The following ARPIN variants were observed in gnomAD, a reference collection of about 807,000 sequenced individuals.
ARPIN encodes the protein actin related protein 2/3 complex inhibitor, also known as UPF0552 protein C15orf38.
Under a neutral mutation model 25.9 loss-of-function variants are expected in ARPIN, and 23 were observed. That is an observed-to-expected ratio of 0.89 (90% confidence interval 0.64 to 1.26). The LOEUF is 1.26. Among genes scored for constraint, ARPIN ranks in the 50% most tolerant of loss-of-function variants. The pLI, the probability that ARPIN is intolerant of heterozygous loss-of-function variation, is 0.00. For synonymous variants in ARPIN, 126 were observed against 131.4 expected, an observed-to-expected ratio of 0.96 and a Z score of 0.28; for missense variants, 333 against 312.2, an observed-to-expected ratio of 1.07 and a Z score of -0.50.
At chr15:89,912,478 G>C in intron 1 of ARPIN, 11 of 1,254,720 alleles carry the variant, frequency 8.8e-6, no homozygotes, top group African/African-American at 3.1e-5. Flanking sequence ...CCCAGCCTTC[G>C]GAGACCTGTC....
chr15:89,912,663 T>TCCCCCCCCCCCCCCC, intron 1 of ARPIN, 81 bp downstream of exon 1: 1 of 871,112 alleles, frequency 1.1e-6, no homozygotes. Flanking sequence ...CCCACCCGCA[T>TCCCCCCCCCCCCCCC]CCCACCCCCC....
chr15:89,901,431 C>A lies in ARPIN; in HGVS notation c.*364G>T, dbSNP rs1897018725. The A allele has an allele frequency of 3.6e-6, 1 of 277,828 alleles. No individual in the cohort carries two copies. Among genetic ancestry groups the A allele is most frequent in the Non-Finnish European group, 6.9e-6 (1 of 145,358 alleles). 17.2% of individuals were successfully genotyped at this position (277,828 alleles called of 1,614,324 possible). On this transcript the variant is annotated 3_prime_UTR_variant, in exon 6 of 6. Transcript: ENST00000357484. ...CAGTGGCTCACGCCTGTAATCCCAA[C>A]ACCTTGGGAGGTGGAGGGGGGTGGA...
intron 1 of ARPIN, chr15:89,912,161 A>G (rs550904411): frequency 6.4e-5 from 62 of 972,818 alleles, no homozygotes; most frequent in Non-Finnish European, 7.5e-5. Context: ...TATAGGTTCC[A>G]TATACGAGAT....
chr15:89,906,062 C>T (rs931641498), intron 3 of ARPIN, among the ~76,000 whole-genome samples: 17 of 152,144 alleles, frequency 1.1e-4, no homozygotes, highest in Admixed American at 1.0e-3. Flanking sequence ...GTAGCCAAGC[C>T]AACACTGAGG....
chr15:89,908,072 C>A (rs553864792), intron 3 of ARPIN, among the ~76,000 whole-genome samples: 3 of 152,224 alleles, frequency 2.0e-5, no homozygotes, highest in South Asian at 4.1e-4. Context: ...GCCAGCCTGG[C>A]CCCTGGAATG....
chr15:89,910,884 C>T (rs1897211699), intron 1 of ARPIN, 65 bp from the exon 2 acceptor site: 1 of 1,561,300 alleles, frequency 6.4e-7, no homozygotes, highest in Admixed American at 1.8e-5. Context: ...TCACCCGTGT[C>T]TCCTATTTAC....
At position 89,901,706 on chromosome 15, in the gene ARPIN, T is replaced by C; in HGVS notation, c.*89A>G. ...GAACCAGGTAAGACTTGGCAGACTGTTCTCTCCAGCTCCAGAGTAGAAGTT... is the reference window on the plus strand; with the variant it reads ...GAACCAGGTAAGACTTGGCAGACTGCTCTCTCCAGCTCCAGAGTAGAAGTT... On this transcript the variant is annotated 3_prime_UTR_variant, in exon 6 of 6. Coordinates refer to ENST00000357484, the MANE Select transcript of ARPIN (RefSeq NM_182616.4). The C allele has an allele frequency of 1.3e-6, 2 of 1,500,194 alleles. No homozygotes were observed. The highest frequency in any genetic ancestry group is 1.1e-5 in the South Asian group (1 of 87,446). 92.9% of individuals were successfully genotyped at this position (1,500,194 alleles called of 1,614,324 possible). A position where few individuals can be genotyped will look rare whatever the true frequency, so the allele number is the denominator to read the frequency against.
intron 3 of ARPIN, among the ~76,000 whole-genome samples, chr15:89,905,460 C>G (rs1414068345): frequency 6.6e-6 from 1 of 152,120 alleles, no homozygotes; most frequent in Non-Finnish European, 1.5e-5. Flanking sequence ...GGACCTGTCT[C>G]TCTCTCCCCA....
rs1897160166 is a variant in ARPIN at position 89,908,265 on chromosome 15, GCAGAGGATACCTACTGTAGGACGA to G, written c.292_301+14del. 6.2e-7 allele frequency: 1 copy of G among 1,613,706 alleles called. No homozygotes were observed. Among genetic ancestry groups the G allele is most frequent in the African/African-American group, 1.3e-5 (1 of 74,888 alleles). ...GAGGGCCCTGAGGGAGAGAGGGAGGGCAGAGGATACCTACTGTAGGACGACATGAGGAAGCCCGTGTTCACCTTC... is the reference window on the plus strand; with the variant it reads ...GAGGGCCCTGAGGGAGAGAGGGAGGGCATGAGGAAGCCCGTGTTCACCTTC... On this transcript the variant is annotated splice_donor_variant and splice_donor_5th_base_variant and coding_sequence_variant and intron_variant, in exon 3 of 6. Transcript: ENST00000357484. LOFTEE classifies it high-confidence loss of function.
intron 5 of ARPIN, among the ~76,000 whole-genome samples, chr15:89,902,132 G>A (rs776957115): frequency 2.8e-4 from 42 of 152,238 alleles, no homozygotes; most frequent in Non-Finnish European, 5.6e-4. Flanking sequence ...TTTGAGGCCA[G>A]GTGTGGTGGC....
intron 2 of ARPIN, among the ~76,000 whole-genome samples, chr15:89,909,954 C>T (rs757152114): frequency 2.0e-5 from 3 of 152,184 alleles, no homozygotes; most frequent in Non-Finnish European, 4.4e-5. Context: ...TGCCTGACGG[C>T]AGATGAGGCA....
At position 89,908,394 on chromosome 15, in the gene ARPIN, A is replaced by G; in HGVS notation, c.187T>C (p.Tyr63His). Reference sequence around the variant, plus strand: ...CGATGGATGTGACTGGGCCGGATATACAGCACGTAGTAGCGCTCCTGGGGC... The same window carrying G: ...CGATGGATGTGACTGGGCCGGATATGCAGCACGTAGTAGCGCTCCTGGGGC... ...HGRKERYYVLYIRPSHIHRRK... is the reference protein window; with the variant it reads ...HGRKERYYVLHIRPSHIHRRK... Residue 63 changes from tyrosine (Y) to histidine (H), a missense_variant, in exon 3 of 6, where the codon TAT becomes CAT. Transcript: ENST00000357484. 6.2e-7 allele frequency: 1 copy of G among 1,614,122 alleles called. No individual in the cohort carries two copies. The highest frequency in any genetic ancestry group is 8.5e-7 in the Non-Finnish European group (1 of 1,180,016).
chr15:89,912,667 A>AGTGGG, intron 1 of ARPIN, 77 bp downstream of exon 1: 7 of 443,598 alleles, frequency 1.6e-5, no homozygotes, highest in East Asian at 1.7e-4. Context: ...CCCGCATCCC[A>AGTGGG]CCCCCCCACC....
At chr15:89,902,812 A>G (rs757626381) in intron 5 of ARPIN, 4 of 1,110,270 alleles carry the variant, frequency 3.6e-6, no homozygotes, top group Non-Finnish European at 4.4e-6. Context: ...CAGGTCAGCC[A>G]TTCTCCAGAC....
intron 2 of ARPIN, among the ~76,000 whole-genome samples, chr15:89,909,764 G>T (rs1479094491): frequency 3.3e-5 from 5 of 152,210 alleles, no homozygotes; most frequent in Admixed American, 3.3e-4. Context: ...ATGGAAAGAG[G>T]AAGGGAAGGC....
At chr15:89,901,947 C>G in intron 5 of ARPIN, 144 bp from the exon 6 acceptor site, 1 of 862,952 alleles carries the variant, frequency 1.2e-6, no homozygotes, top group Admixed American at 2.4e-5. Context: ...AGAGCTGGCC[C>G]GGCAGCTCCA....
chr15:89,909,851 G>A (rs971930577), intron 2 of ARPIN, among the ~76,000 whole-genome samples: 10 of 152,192 alleles, frequency 6.6e-5, no homozygotes, highest in Non-Finnish European at 1.2e-4. Flanking sequence ...AGACAGTGAG[G>A]GTTCCCAGCC....
intron 1 of ARPIN, among the ~76,000 whole-genome samples, chr15:89,911,485 C>T (rs1897222791): frequency 6.6e-6 from 1 of 152,020 alleles, no homozygotes; most frequent in Admixed American, 6.5e-5. Context: ...TTTGCATCCA[C>T]AGAAATGGAG....
chr15:89,912,663 T>A, intron 1 of ARPIN, 81 bp downstream of exon 1: 11 of 871,074 alleles, frequency 1.3e-5, no homozygotes, highest in Non-Finnish European at 1.4e-5. Context: ...CCCACCCGCA[T>A]CCCACCCCCC....
Sources: gnomAD v4.1 joint callset for allele counts (sites outside exome capture counted in the v4.1 genomes callset) on GRCh38, gnomAD v4.1.1 for gene constraint, MANE v1.5 for transcripts, NCBI Gene and HGNC (gene_info 2026-07-23, HGNC 2026-07-21) for gene names.